The following PDE9A variants were observed in gnomAD, a reference collection of about 807,000 sequenced individuals.
PDE9A encodes high affinity cGMP-specific 3',5'-cyclic phosphodiesterase 9A.
PDE9A carries 60 observed loss-of-function variants against 87.4 expected under a neutral mutation model. The observed-to-expected ratio is 0.69, with a 90% CI of 0.56 to 0.85. PDE9A has a LOEUF of 0.85. Among genes scored for constraint, PDE9A ranks in the 40% least tolerant of loss-of-function variants. The probability of loss-of-function intolerance (pLI) is 0.00; values close to 1 mark genes in which losing one functional copy is unlikely to be tolerated. For synonymous variants in PDE9A, 272 were observed against 279.4 expected (o/e 0.97, Z 0.27); for missense variants, 665 against 779.0 (o/e 0.85, Z 1.74).
At chr21:42,691,758 C>T (rs1269740617) in intron 3 of PDE9A, among the ~76,000 whole-genome samples, 5 of 151,266 alleles carry the variant, frequency 3.3e-5, no homozygotes, top group Admixed American at 1.3e-4. Flanking sequence ...TCCGAAGTCA[C>T]CCAGACCCAT....
At chr21:42,693,356 TGGCGCGATCTC>T in intron 3 of PDE9A, among the ~76,000 whole-genome samples, 1 of 150,322 alleles carries the variant, frequency 6.7e-6, no homozygotes, top group South Asian at 2.1e-4. Flanking sequence ...TGGAGTGCAG[TGGCGCGATCTC>T]GGCTCACTGC....
intron 10 of PDE9A, among the ~76,000 whole-genome samples, chr21:42,756,059 C>T (rs1036532234): frequency 1.3e-5 from 2 of 152,240 alleles, no homozygotes; most frequent in African/African-American, 4.8e-5. Context: ...CACAGCTGCT[C>T]TCGGGGCTGG....
Position 42,775,456 on chromosome 21 carries a change from G to C in PDE9A, c.*163G>C, listed in dbSNP as rs1210800257. On this transcript the variant is annotated 3_prime_UTR_variant, in exon 20 of 20. Coordinates refer to ENST00000291539, the MANE Select transcript of PDE9A (RefSeq NM_002606.3). ...AAAAAAAAAAGGAATTCATGATGCT[G>C]TACAGAATTTTATTTTTAAACTGTC... The C allele has an allele frequency of 1.8e-6, 1 of 543,798 alleles. No homozygotes were observed. The highest frequency in any genetic ancestry group is 3.3e-6 in the Non-Finnish European group (1 of 305,576). 33.7% of individuals were successfully genotyped at this position (543,798 alleles called of 1,614,324 possible).
At position 42,751,132 on chromosome 21, in the gene PDE9A, A is replaced by G; in HGVS notation, c.670A>G (p.Lys224Glu). ...TCTCTCTAGGACCAACTGCCCCTGT[A>G]AGTACAGTTTTTTGGATAACCACAA... ...ARSSRTNCPC[K>E]YSFLDNHKKL... The change falls in exon 9 of 20, where the codon AAG becomes GAG. Residue 224 changes from lysine (K) to glutamate (E), a missense_variant. Physicochemically the swap from Lys to Glu is moderately conservative, Grantham distance 56. Transcript: ENST00000291539. 6.2e-7 allele frequency: 1 copy of G among 1,610,128 alleles called. No individual in the cohort carries two copies. The highest frequency in any genetic ancestry group is 1.7e-4 in the Middle Eastern group (1 of 6,054).
intron 15 of PDE9A, among the ~76,000 whole-genome samples, chr21:42,766,197 G>A (rs2036532324): frequency 6.6e-6 from 1 of 152,160 alleles, no homozygotes; most frequent in Non-Finnish European, 1.5e-5. Context: ...AAAAATCAGT[G>A]CATATCTGTG....
In PDE9A at chr21:42,692,779, C is replaced by T. The variant is rs1298898987; in HGVS notation, c.218+4785C>T. Among the ~76,000 whole-genome samples the T allele has an allele frequency of 1.3e-5, 2 of 152,184 alleles. No homozygotes were observed. On this transcript the variant is annotated intron_variant, in intron 3 of 19. Coordinates refer to ENST00000291539, the MANE Select transcript of PDE9A (RefSeq NM_002606.3). This position sits in a 1 kb window ranked among gnomAD's most constrained non-coding sequence, Gnocchi z 4.3. ...TTTTTTGGCCCTGCCTCCCCCTTGG[C>T]TTCTCCCCTCTTCCTCTCCTCCACT...
chr21:42,680,903 A>G (rs112202124), intron 1 of PDE9A, among the ~76,000 whole-genome samples: 9 of 152,338 alleles, frequency 5.9e-5, no homozygotes, highest in African/African-American at 1.9e-4. Flanking sequence ...TCCTGCTGAC[A>G]TAACAGTGGC....
intron 4 of PDE9A, among the ~76,000 whole-genome samples, chr21:42,726,552 C>A (rs1001596521): frequency 7.1e-6 from 1 of 141,376 alleles, no homozygotes; most frequent in South Asian, 2.2e-4. Context: ...ACTACTGAAA[C>A]ACTATTTCCA....
rs34765923 is a variant in PDE9A, at chr21:42,760,756, ACCC to A, written c.1003-64_1003-62del. Reference sequence around the variant, plus strand: ...CCCCGCTTACCACTCACCCAATTCCACCCCCCCTCACCCCATCCCACCCTCCGA... The same window carrying A: ...CCCCGCTTACCACTCACCCAATTCCACCCCTCACCCCATCCCACCCTCCGA... On this transcript the variant is annotated intron_variant, in intron 12 of 19. Coordinates refer to ENST00000291539, the MANE Select transcript of PDE9A (RefSeq NM_002606.3). The surrounding 1 kb of genome is among the most constrained non-coding windows in gnomAD (Gnocchi z 5.2). The A allele has an allele frequency of 1.6e-5, 13 of 804,324 alleles. No homozygotes were observed. The African/African-American group carries it at 1.7e-4, about 11-fold the overall frequency. The allele number at this position is 804,324 out of a possible 1,614,324, so 49.8% of individuals were successfully genotyped here.
intron 1 of PDE9A, among the ~76,000 whole-genome samples, chr21:42,669,869 GC>G (rs2058289404): frequency 6.6e-6 from 1 of 152,184 alleles, no homozygotes; most frequent in African/African-American, 2.4e-5. Context: ...CTGGAATTGA[GC>G]CCGGGAACCT....
At chr21:42,677,580 G>A (rs1019614521) in intron 1 of PDE9A, among the ~76,000 whole-genome samples, 5 of 152,056 alleles carry the variant, frequency 3.3e-5, no homozygotes, top group African/African-American at 1.2e-4. Flanking sequence ...TTTTGTGACG[G>A]TGCTGCTGTC....
In PDE9A at chr21:42,704,865, A is replaced by G. The variant is rs1238089086; in HGVS notation, c.262+5854A>G. ...TCAGCAGGTTTCAGTAAATGCCTCT[A>G]ACGGGCCCGGTGGAACTGTGCAATG... On this transcript the variant is annotated intron_variant, in intron 4 of 19. Coordinates refer to ENST00000291539, the MANE Select transcript of PDE9A (RefSeq NM_002606.3). This position sits in a 1 kb window ranked among gnomAD's most constrained non-coding sequence, Gnocchi z 5.3. 6.6e-6 allele frequency among the ~76,000 whole-genome samples: 1 copy of G among 152,222 alleles called. No individual in the cohort carries two copies. Among genetic ancestry groups the G allele is most frequent in the African/African-American group, 2.4e-5 (1 of 41,466 alleles).
At chr21:42,708,965 G>A (rs150974414) in intron 4 of PDE9A, among the ~76,000 whole-genome samples, 492 of 152,188 alleles carry the variant, frequency 3.2e-3, no homozygotes, top group African/African-American at 0.011. Flanking sequence ...TATACCCAAA[G>A]GAATATAAAT....
intron 1 of PDE9A, among the ~76,000 whole-genome samples, chr21:42,676,143 C>G (rs2058833809): frequency 6.6e-6 from 1 of 152,184 alleles, no homozygotes; most frequent in South Asian, 2.1e-4. Flanking sequence ...TCCCCAGAAG[C>G]CCAGTGATGT....
At position 42,655,128 on chromosome 21, in the gene PDE9A, A is replaced by G. The variant is rs142720538; in HGVS notation, c.69+1245A>G. Among the ~76,000 whole-genome samples, 926 of 152,030 alleles carry G rather than the reference A, an allele frequency of 6.1e-3. 6 individuals carry two copies. The highest frequency in any genetic ancestry group is 0.027 in the Middle Eastern group (8 of 294). ...CTCACACACACACACACATGCTCCA[A>G]TGCTCACACATCCACTCACAAACAC... is the stretch of plus-strand genomic sequence containing the variant. On this transcript the variant is annotated intron_variant, in intron 1 of 19. Transcript: ENST00000291539.
At position 42,663,047 on chromosome 21, in the gene PDE9A, A is replaced by G. The variant is rs1601885921; in HGVS notation, c.69+9164A>G. On this transcript the variant is annotated intron_variant, in intron 1 of 19. Coordinates refer to ENST00000291539, the MANE Select transcript of PDE9A (RefSeq NM_002606.3). ...CATATCACACACATGCACATCACAT[A>G]CATGCACACACCACACTTACACACA... is the stretch of plus-strand genomic sequence containing the variant. Among the ~76,000 whole-genome samples, 4 of 146,612 alleles carry G rather than the reference A, an allele frequency of 2.7e-5. No homozygotes were observed. The South Asian group carries it at 6.5e-4, about 24-fold the overall frequency.
chr21:42,768,863 C>A, intron 16 of PDE9A, 164 bp from the exon 17 acceptor site: 1 of 985,076 alleles, frequency 1.0e-6, no homozygotes, highest in Non-Finnish European at 1.2e-6. Context: ...CTCTGTTTAG[C>A]ACTGAAGATA....
At chr21:42,689,408 AG>A in intron 3 of PDE9A, 1 of 355,702 alleles carries the variant, frequency 2.8e-6, no homozygotes, top group Non-Finnish European at 3.9e-6. Context: ...CAGAGACTCC[AG>A]TAAGCATCTT....
chr21:42,666,107 GGGGCGTGGCCACCAGTGCAGT>G (rs888967914), intron 1 of PDE9A, among the ~76,000 whole-genome samples: 3 of 152,184 alleles, frequency 2.0e-5, no homozygotes, highest in African/African-American at 4.8e-5. Flanking sequence ...CCCTGGGGTG[GGGGCGTGGCCACCAGTGCAGT>G]GGGCGTGGCC....
Sources: allele counts gnomAD v4.1 joint callset (sites outside exome capture counted in the v4.1 genomes callset), GRCh38; gene constraint gnomAD v4.1.1; non-coding constraint Gnocchi (gnomAD v3.1); transcripts MANE v1.5; gene names NCBI Gene and HGNC (gene_info 2026-07-23, HGNC 2026-07-21).